The following DST variants were observed in gnomAD, a reference collection of about 807,000 sequenced individuals.
DST encodes dystonin, also known as bullous pemphigoid antigen.
A neutral mutation model predicts 875.2 loss-of-function variants in DST; 253 were observed. That is an observed-to-expected ratio of 0.29 (90% CI 0.26 to 0.32). DST has a LOEUF of 0.32. Among genes scored for constraint, DST ranks in the 10% least tolerant of loss-of-function variants. The probability of loss-of-function intolerance (pLI) is 1.00; values close to 1 mark genes in which losing one functional copy is unlikely to be tolerated. For missense variants in DST, 8,287 were observed against 9,111.6 expected, an observed-to-expected ratio of 0.91 and a Z score of 3.68; for synonymous variants, 3,124 against 3,197.1, an observed-to-expected ratio of 0.98 and a Z score of 0.77.
intron 56 of DST, 144 bp from the exon 57 acceptor site, chr6:56,561,693 A>G: frequency 1.4e-6 from 1 of 725,312 alleles, no homozygotes. Flanking sequence ...TAAGCTTTTC[A>G]GAAATAAAAG....
At chr6:56,571,105 C>T (rs892585662) in intron 53 of DST, among the ~76,000 whole-genome samples, 3 of 152,146 alleles carry the variant, frequency 2.0e-5, no homozygotes, top group Non-Finnish European at 2.9e-5. Context: ...CTGTATGGGT[C>T]GTTCTGTATG....
chr6:56,635,756 C>T, intron 23 of DST, 42 bp from the exon 24 acceptor site: 2 of 1,607,950 alleles, frequency 1.2e-6, no homozygotes, highest in Non-Finnish European at 8.5e-7. Context: ...ATGTTAAATA[C>T]CAGCAAAGCA....
Position 56,470,586 on chromosome 6 carries a change from TAAG to T in DST, c.22322-307_22322-305del, listed in dbSNP as rs983343391. On this transcript the variant is annotated intron_variant, in intron 95 of 103. Transcript: ENST00000680361. ...AGAATAAATTATATGAAATTTACCT[TAAG>T]AATGACATCTAGTAACATCTGTCAG... Among the ~76,000 whole-genome samples, 37 of 152,208 alleles carry T rather than the reference TAAG, an allele frequency of 2.4e-4. 1 individual carries two copies. Among genetic ancestry groups the T allele is most frequent in the Admixed American group, 5.2e-4 (8 of 15,278 alleles).
chr6:56,866,128 G>T lies in DST; in HGVS notation c.418-14524C>A, dbSNP rs149511501. 3.6e-3 allele frequency among the ~76,000 whole-genome samples: 542 copies of T among 152,018 alleles called. 3 individuals are homozygous for T. Among genetic ancestry groups the T allele is most frequent in the African/African-American group, 0.013 (526 of 41,470 alleles). On this transcript the variant is annotated intron_variant, in intron 3 of 103. Transcript: ENST00000680361. Reference sequence around the variant, plus strand: ...CCTGCCTCAGCCTCCCGAGTAGCTGGGGCTACAGGTGCATGCCACCACACC... The same window carrying T: ...CCTGCCTCAGCCTCCCGAGTAGCTGTGGCTACAGGTGCATGCCACCACACC...
In DST at chr6:56,565,221, C is replaced by T. The variant is rs372802852; in HGVS notation, c.14006-3021G>A. On this transcript the variant is annotated intron_variant, in intron 55 of 103. Coordinates refer to ENST00000680361, the MANE Select transcript of DST (RefSeq NM_001374736.1). Reference sequence around the variant, plus strand: ...CCGCAAGCTCCATCTCCTGGGTTCACGCCATTCTCCCACATCAACCTCCTG... The same window carrying T: ...CCGCAAGCTCCATCTCCTGGGTTCATGCCATTCTCCCACATCAACCTCCTG... Among the ~76,000 whole-genome samples the T allele has an allele frequency of 5.5e-4, 83 of 150,952 alleles. No homozygotes were observed. In the South Asian group the frequency reaches 6.1e-3, roughly 11 times the overall value.
At chr6:56,644,149 T>C (rs960912538) in intron 15 of DST, among the ~76,000 whole-genome samples, 3 of 152,214 alleles carry the variant, frequency 2.0e-5, no homozygotes, top group Admixed American at 6.5e-5. Context: ...ACTGTTCTGA[T>C]GACTAAAAAT....
At position 56,610,576 on chromosome 6, in the gene DST, A is replaced by G; in HGVS notation, c.5148-14T>C. The G allele has an allele frequency of 6.4e-7, 1 of 1,567,050 alleles. No individual in the cohort carries two copies. The highest frequency in any genetic ancestry group is 8.6e-7 in the Non-Finnish European group (1 of 1,160,582). ...TCATCTGTCATTCTAAATAACCAGA[A>G]ATGATAAAAAGACTAATGCAAGTCG... On this transcript the variant is annotated splice_polypyrimidine_tract_variant and intron_variant, in intron 38 of 103. Transcript: ENST00000680361.
intron 3 of DST, among the ~76,000 whole-genome samples, chr6:56,853,723 T>C (rs1766438367): frequency 6.6e-6 from 1 of 152,072 alleles, no homozygotes; most frequent in Non-Finnish European, 1.5e-5. Context: ...AACAACGAAA[T>C]GTGATTTATG....
rs1216988609 is a variant in DST, at chr6:56,492,344, T to G, written c.20640A>C (p.Gln6880His). The change falls in exon 85 of 104, where the codon CAA becomes CAC. Residue 6880 changes from glutamine (Q) to histidine (H), a missense_variant. Physicochemically the swap from Gln to His is conservative, Grantham distance 24 (BLOSUM62 0). Around this residue, in one of 10 missense-constraint regions of DST, gnomAD observed 1,292 missense variants for 1,552.7 expected, o/e 0.83. Transcript: ENST00000680361. ...GTAGATTCTTGATTAGAACAACATC[T>G]TGTTTCTGACTAAAATATTTTAGGT... ...GTHLKYFSQK[Q>H]DVVLIKNLLI... is the part of the protein sequence containing the mutation. The G allele has an allele frequency of 6.2e-7, 1 of 1,613,760 alleles. No individual in the cohort carries two copies. The highest frequency in any genetic ancestry group is 8.5e-7 in the Non-Finnish European group (1 of 1,179,836).
In DST at chr6:56,670,559, T is replaced by C. The variant is rs2099096378; in HGVS notation, c.1214+82A>G. On this transcript the variant is annotated intron_variant, in intron 10 of 103. Coordinates refer to ENST00000680361, the MANE Select transcript of DST (RefSeq NM_001374736.1). ...TTTTGCCATGCTTTTGCTTCTATAA[T>C]AATAAAAGATAATTTTAAAATTCAG... 11 of 1,025,526 alleles carry C rather than the reference T, an allele frequency of 1.1e-5. No individual in the cohort carries two copies. The South Asian group carries it at 1.5e-4, about 14-fold the overall frequency. The allele number at this position is 1,025,526 out of a possible 1,614,324, so 63.5% of individuals were successfully genotyped here. A position where few individuals can be genotyped will look rare whatever the true frequency, so the allele number is the denominator to read the frequency against.
intron 61 of DST, among the ~76,000 whole-genome samples, chr6:56,543,091 G>A (rs2097164808): frequency 6.6e-6 from 1 of 152,204 alleles, no homozygotes; most frequent in Admixed American, 6.5e-5. Flanking sequence ...GGATCCGTAG[G>A]GCTTGCGGAG....
chr6:56,848,194 G>C (rs1322626231), intron 4 of DST, among the ~76,000 whole-genome samples: 2 of 152,192 alleles, frequency 1.3e-5, no homozygotes, highest in Admixed American at 6.5e-5. Flanking sequence ...AGGCAGAACT[G>C]TATGCTAATC....
intron 3 of DST, among the ~76,000 whole-genome samples, chr6:56,890,466 A>G (rs1383105714): frequency 6.6e-6 from 1 of 152,260 alleles, no homozygotes; most frequent in Non-Finnish European, 1.5e-5. Context: ...TAAGCATCCT[A>G]GTGACATATC....
chr6:56,570,946 T>C (rs2097771413), intron 53 of DST, among the ~76,000 whole-genome samples: 1 of 152,138 alleles, frequency 6.6e-6, no homozygotes, highest in Non-Finnish European at 1.5e-5. Context: ...CACCTACTGG[T>C]TTCTACACTA....
intron 2 of DST, among the ~76,000 whole-genome samples, chr6:56,921,215 G>C (rs1757176214): frequency 1.3e-5 from 2 of 151,982 alleles, no homozygotes; most frequent in South Asian, 4.2e-4. Flanking sequence ...AAGAATATAG[G>C]TTTATTATCT....
chr6:56,517,907 T>C (rs1264936005), intron 69 of DST, among the ~76,000 whole-genome samples: 2 of 152,132 alleles, frequency 1.3e-5, no homozygotes, highest in African/African-American at 4.8e-5. Flanking sequence ...CTTAATAATT[T>C]GCACCTTAGG....
intron 98 of DST, among the ~76,000 whole-genome samples, chr6:56,467,834 T>C (rs1201011531): frequency 6.6e-6 from 1 of 152,180 alleles, no homozygotes; most frequent in Non-Finnish European, 1.5e-5. Flanking sequence ...AATAGACTAA[T>C]GTTGCTGACT....
intron 38 of DST, among the ~76,000 whole-genome samples, chr6:56,611,241 C>T (rs2098541858): frequency 6.6e-6 from 1 of 152,146 alleles, no homozygotes; most frequent in Non-Finnish European, 1.5e-5. Context: ...TGCACTCTAC[C>T]TCTCACTTGC....
intron 3 of DST, among the ~76,000 whole-genome samples, chr6:56,858,421 C>T (rs1200846546): frequency 6.6e-6 from 1 of 152,156 alleles, no homozygotes; most frequent in African/African-American, 2.4e-5. Flanking sequence ...GGAAACCAAG[C>T]TTGCTGATGG....
Sources: allele counts gnomAD v4.1 joint callset (sites outside exome capture counted in the v4.1 genomes callset), GRCh38; gene constraint gnomAD v4.1.1; regional missense constraint gnomAD v4.1.1; transcripts MANE v1.5; gene names NCBI Gene and HGNC (gene_info 2026-07-23, HGNC 2026-07-21).